C10orf90: variants seen among roughly 807,000 people sequenced by gnomAD.
The protein encoded by C10orf90 is (E2-independent) E3 ubiquitin-conjugating enzyme FATS.
Under a neutral mutation model 62.5 loss-of-function variants are expected in C10orf90, and 56 were observed. That is an observed-to-expected ratio of 0.90 (90% CI 0.72 to 1.12). The LOEUF (loss-of-function observed/expected upper bound fraction) is 1.12. Ranked by LOEUF, C10orf90 falls within the 50% of genes most tolerant of loss-of-function variation. The pLI is 0.00. For missense variants in C10orf90, 970 were observed against 880.4 expected (o/e 1.10, Z -1.29); for synonymous variants, 386 against 340.4 (o/e 1.13, Z -1.47).
rs1178077382 is a variant in C10orf90 at position 126,670,278 on chromosome 10, C to G, written c.203G>C (p.Gly68Ala). 1 of 456,678 alleles carries G rather than the reference C, an allele frequency of 2.2e-6. No homozygotes were observed. The highest frequency in any genetic ancestry group is 2.3e-5 in the Admixed American group (1 of 42,576). 28.3% of individuals were successfully genotyped at this position (456,678 alleles called of 1,614,324 possible). A position where few individuals can be genotyped will look rare whatever the true frequency, so the allele number is the denominator to read the frequency against. Residue 68 changes from glycine (G) to alanine (A), a missense_variant, in exon 1 of 10, where the codon GGC (glycine) becomes GCC (alanine). Physicochemically the swap from Gly to Ala is moderately conservative, Grantham distance 60. Transcript: ENST00000488181. ...GGCTGTCTGCTCAGCCGTCTTCAAG[C>G]CTTGACACATATGGATGATACAAAC... ...AKVCIIHMCQ[G>A]LKTAEQTASR...
intron 2 of C10orf90, chr10:126,524,727 G>T: frequency 1.0e-6 from 1 of 985,664 alleles, no homozygotes; most frequent in Non-Finnish European, 1.2e-6. Context: ...GGCAAGGAGT[G>T]CACGCACCTG....
intron 2 of C10orf90, among the ~76,000 whole-genome samples, chr10:126,581,127 T>C (rs942151693): frequency 1.2e-4 from 19 of 152,226 alleles, no homozygotes; most frequent in Non-Finnish European, 1.8e-4. Context: ...TGTCTCCTGC[T>C]GTTTGCTTAG....
intron 1 of C10orf90, among the ~76,000 whole-genome samples, chr10:126,660,985 C>T (rs1220659110): frequency 6.6e-6 from 1 of 152,236 alleles, no homozygotes; most frequent in African/African-American, 2.4e-5. Context: ...AATCTGGCTT[C>T]TGCTATTGTA....
At chr10:126,428,290 G>C (rs1021926584) in intron 8 of C10orf90, among the ~76,000 whole-genome samples, 2 of 152,180 alleles carry the variant, frequency 1.3e-5, no homozygotes, top group African/African-American at 2.4e-5. Context: ...GACTGGGGTA[G>C]GGAAAGTGGG....
At chr10:126,609,703 G>A (rs1387846858) in intron 2 of C10orf90, among the ~76,000 whole-genome samples, 1 of 152,222 alleles carries the variant, frequency 6.6e-6, no homozygotes, top group Non-Finnish European at 1.5e-5. Context: ...GCTTAGAGCA[G>A]GGAGAAGGAG....
At chr10:126,523,137 T>C (rs528146959) in intron 2 of C10orf90, among the ~76,000 whole-genome samples, 4 of 152,368 alleles carry the variant, frequency 2.6e-5, no homozygotes, top group African/African-American at 9.6e-5. Context: ...TTGTGGTCAC[T>C]TGGGCTCTAG....
intron 4 of C10orf90, among the ~76,000 whole-genome samples, chr10:126,494,765 C>T (rs773966604): frequency 6.6e-6 from 1 of 152,250 alleles, no homozygotes; most frequent in African/African-American, 2.4e-5. Context: ...ATCTGTATGA[C>T]TTTCGCGGTT....
intron 2 of C10orf90, among the ~76,000 whole-genome samples, chr10:126,595,661 C>A (rs1310002595): frequency 6.6e-6 from 1 of 152,068 alleles, no homozygotes; most frequent in African/African-American, 2.4e-5. Flanking sequence ...GGGCCCCGTT[C>A]CCCCATCTTA....
chr10:126,438,953 C>G (rs1858116785), intron 7 of C10orf90, among the ~76,000 whole-genome samples: 1 of 152,128 alleles, frequency 6.6e-6, no homozygotes, highest in Non-Finnish European at 1.5e-5. Context: ...GTGTTCCCTC[C>G]ATATGTACCC....
intron 2 of C10orf90, among the ~76,000 whole-genome samples, chr10:126,560,879 G>C (rs187922611): frequency 1.1e-4 from 17 of 152,300 alleles, no homozygotes; most frequent in African/African-American, 3.8e-4. Flanking sequence ...TGGCATAAAA[G>C]ATTATGCTTC....
At chr10:126,573,080 C>T (rs1039428573) in intron 2 of C10orf90, among the ~76,000 whole-genome samples, 4 of 152,148 alleles carry the variant, frequency 2.6e-5, no homozygotes, top group Non-Finnish European at 4.4e-5. Flanking sequence ...GGGCTTTATT[C>T]AGCTGGGAGC....
chr10:126,535,240 G>A (rs1864201604), intron 2 of C10orf90, among the ~76,000 whole-genome samples: 1 of 151,980 alleles, frequency 6.6e-6, no homozygotes, highest in Non-Finnish European at 1.5e-5. Flanking sequence ...TTTGTCAGCT[G>A]GGTGTGGTGG....
At chr10:126,621,563 T>G in intron 2 of C10orf90, among the ~76,000 whole-genome samples, 1 of 152,196 alleles carries the variant, frequency 6.6e-6, no homozygotes, top group South Asian at 2.1e-4. Flanking sequence ...CCCCATATAT[T>G]CCCACCATCT....
intron 2 of C10orf90, among the ~76,000 whole-genome samples, chr10:126,516,140 C>T (rs371122916): frequency 5.9e-5 from 9 of 152,170 alleles, no homozygotes; most frequent in Non-Finnish European, 7.3e-5. Context: ...GGCCCCAGGC[C>T]GACCTACAGT....
chr10:126,568,290 G>A lies in C10orf90; in HGVS notation c.314-54351C>T, dbSNP rs564830326. ...TAGCCAGGGCTGGTTCTCATCTGAA[G>A]CTTGGGATCCTCCTCCCAGCATTTT... On this transcript the variant is annotated intron_variant, in intron 2 of 9. Transcript: ENST00000488181. Among the ~76,000 whole-genome samples, 21 of 152,336 alleles carry A rather than the reference G, an allele frequency of 1.4e-4. No individual in the cohort carries two copies. In the South Asian group the frequency reaches 4.3e-3, roughly 32 times the overall value.
At chr10:126,441,562 A>G (rs944415333) in intron 7 of C10orf90, among the ~76,000 whole-genome samples, 9 of 152,212 alleles carry the variant, frequency 5.9e-5, no homozygotes, top group African/African-American at 2.2e-4. Flanking sequence ...CAAAAAGATC[A>G]TCGCCTAGGC....
chr10:126,609,246 T>A (rs566343992), intron 2 of C10orf90, among the ~76,000 whole-genome samples: 13 of 152,128 alleles, frequency 8.5e-5, no homozygotes, highest in African/African-American at 3.1e-4. Flanking sequence ...CTGTTAAAAA[T>A]ACAAAAATTA....
intron 3 of C10orf90, among the ~76,000 whole-genome samples, chr10:126,505,866 A>C (rs1005141847): frequency 6.6e-6 from 1 of 152,208 alleles, no homozygotes; most frequent in Non-Finnish European, 1.5e-5. Context: ...AGGCAGGAGA[A>C]TCGCTTGAAC....
intron 1 of C10orf90, among the ~76,000 whole-genome samples, chr10:126,659,427 A>G (rs1340153772): frequency 2.0e-5 from 3 of 152,132 alleles, no homozygotes; most frequent in Non-Finnish European, 4.4e-5. Context: ...CTCTGCTGGG[A>G]GGTGGTTGCT....
Sources: allele counts gnomAD v4.1 joint callset (sites outside exome capture counted in the v4.1 genomes callset), GRCh38; gene constraint gnomAD v4.1.1; transcripts MANE v1.5; gene names NCBI Gene and HGNC (gene_info 2026-07-23, HGNC 2026-07-21).